JPT2: variants seen among roughly 807,000 people sequenced by gnomAD.
The protein encoded by JPT2 is Jupiter microtubule associated homolog 2.
JPT2 carries 9 observed loss-of-function variants against 15.9 expected under a neutral mutation model. The observed-to-expected ratio is 0.57, with a 90% CI of 0.34 to 0.99. JPT2 has a LOEUF of 0.99. Ranked by LOEUF, JPT2 falls within the 50% of genes least tolerant of loss-of-function variation. The pLI is 0.02. For synonymous variants in JPT2, 95 were observed against 91.7 expected, an observed-to-expected ratio of 1.04 and a Z score of -0.21; for missense variants, 267 against 252.1, an observed-to-expected ratio of 1.06 and a Z score of -0.40.
chr16:1,681,183 G>A (rs532287652), intron 1 of JPT2, among the ~76,000 whole-genome samples: 1 of 152,296 alleles, frequency 6.6e-6, no homozygotes, highest in Admixed American at 6.5e-5. Context: ...AAGCCACACT[G>A]CGCCATTGTT....
In JPT2 at chr16:1,701,006, C is replaced by T. The variant is rs144756266; in HGVS notation, c.*2008C>T. 6.6e-6 allele frequency: 1 copy of T among 152,248 alleles called. No homozygotes were observed. The highest frequency in any genetic ancestry group is 1.5e-5 in the Non-Finnish European group (1 of 68,064). 9.4% of individuals were successfully genotyped at this position (152,248 alleles called of 1,614,324 possible). A position where few individuals can be genotyped will look rare whatever the true frequency, so the allele number is the denominator to read the frequency against. ...TGATGGAGCCCCTGACATTACTCTT[C>T]TTGCATCTGTCCTGCCTTCTTTCCC... On this transcript the variant is annotated 3_prime_UTR_variant, in exon 5 of 5. Transcript: ENST00000248098.
intron 3 of JPT2, chr16:1,692,210 C>T (rs1224633063): frequency 1.7e-6 from 1 of 601,020 alleles, no homozygotes; most frequent in Non-Finnish European, 2.8e-6. Flanking sequence ...CTCTTCTGTG[C>T]TGGTGGCGGA....
Position 1,698,989 on chromosome 16 carries a change from C to T in JPT2, c.564C>T (p.Ser188=), listed in dbSNP as rs754828558. The change falls in exon 5 of 5, where the codon TCC becomes TCT. Residue 188 remains serine, a synonymous_variant. Transcript: ENST00000248098. The surrounding 1 kb of genome is among the most constrained non-coding windows in gnomAD (Gnocchi z 4.9). The part of the protein sequence containing the change: ...LNPPGGKSSI[S]FY Reference sequence around the variant, plus strand: ...CACCGGGAGGCAAATCCAGCATCTCCTTCTACTAAGAGAAGCCACTGCTCC... The same window carrying T: ...CACCGGGAGGCAAATCCAGCATCTCTTTCTACTAAGAGAAGCCACTGCTCC... 2.2e-5 allele frequency: 36 copies of T among 1,612,468 alleles called. No individual in the cohort carries two copies. The highest frequency in any genetic ancestry group is 2.7e-5 in the Non-Finnish European group (32 of 1,179,140).
At chr16:1,681,458 G>A (rs1014375283) in intron 1 of JPT2, among the ~76,000 whole-genome samples, 2 of 152,046 alleles carry the variant, frequency 1.3e-5, no homozygotes, top group African/African-American at 4.8e-5. Context: ...TAAATATTGT[G>A]TTTCCATCAC....
intron 2 of JPT2, 74 bp downstream of exon 2, chr16:1,685,661 A>G: frequency 6.8e-7 from 1 of 1,463,834 alleles, no homozygotes. Flanking sequence ...GTTTCTTTAT[A>G]CTGATCCTTT....
chr16:1,697,871 G>T lies in JPT2; in HGVS notation c.385+11G>T, dbSNP rs1338703355. 6.2e-7 allele frequency: 1 copy of T among 1,612,648 alleles called. No homozygotes were observed. The highest frequency in any genetic ancestry group is 8.5e-7 in the Non-Finnish European group (1 of 1,178,862). On this transcript the variant is annotated intron_variant, in intron 4 of 4. Transcript: ENST00000248098. ...AATCGGATCTTAAAGGTGAGCTTTT[G>T]TTTTCTTTCCCTTCTCCTGAGTGGC...
chr16:1,685,947 GGAGA>G (rs1214362120), intron 2 of JPT2: 2 of 196,346 alleles, frequency 1.0e-5, no homozygotes, highest in East Asian at 1.4e-4. Flanking sequence ...TCCTAGGGAG[GGAGA>G]GTGTTTTTAT....
chr16:1,685,336 A>C (rs1292463620), intron 1 of JPT2, 103 bp from the exon 2 acceptor site: 1 of 1,326,688 alleles, frequency 7.5e-7, no homozygotes, highest in Non-Finnish European at 1.0e-6. Flanking sequence ...TCAAAAAGAA[A>C]AAAACAAAAT....
chr16:1,692,779 C>CT (rs2037113332), intron 3 of JPT2, among the ~76,000 whole-genome samples: 1 of 152,164 alleles, frequency 6.6e-6, no homozygotes, highest in South Asian at 2.1e-4. Flanking sequence ...ACTTTTCTAC[C>CT]TTTTTTGTGG....
rs1449172244 is a variant in JPT2 at position 1,701,860 on chromosome 16, G to A, written c.*2862G>A. The A allele has an allele frequency of 1.8e-5, 5 of 277,288 alleles. No individual in the cohort carries two copies. Among genetic ancestry groups the A allele is most frequent in the Admixed American group, 1.2e-4 (3 of 24,362 alleles). 17.2% of individuals were successfully genotyped at this position (277,288 alleles called of 1,614,324 possible). A position where few individuals can be genotyped will look rare whatever the true frequency, so the allele number is the denominator to read the frequency against. ...GAGACCAGCCTAGACAACATACTAC[G>A]ACCCTGTCTATACAAAAAAAAACTT... On this transcript the variant is annotated 3_prime_UTR_variant, in exon 5 of 5. Transcript: ENST00000248098.
intron 3 of JPT2, among the ~76,000 whole-genome samples, chr16:1,692,880 G>A (rs1051359144): frequency 6.6e-6 from 1 of 152,122 alleles, no homozygotes; most frequent in African/African-American, 2.4e-5. Context: ...ATGTTTATTG[G>A]TTTATATGCT....
At chr16:1,683,046 G>A (rs552094918) in intron 1 of JPT2, among the ~76,000 whole-genome samples, 257 of 152,218 alleles carry the variant, frequency 1.7e-3, no homozygotes, top group Middle Eastern at 0.01. Context: ...GGCGCATCTT[G>A]GTTCACTGCA....
intron 1 of JPT2, among the ~76,000 whole-genome samples, chr16:1,680,015 C>T (rs1299801499): frequency 6.6e-6 from 1 of 150,676 alleles, no homozygotes; most frequent in Middle Eastern, 3.3e-3. Flanking sequence ...GCCGAGATCA[C>T]ACCACTGCAC....
chr16:1,698,885 C>CAGG lies in JPT2; in HGVS notation c.463_465dup (p.Glu155dup). ...CAGAAAAGCAGGCCCCGCCAAGGAGCAGGAGCCCATGCCCACAGTCGACAG... is the reference window on the plus strand; with the variant it reads ...CAGAAAAGCAGGCCCCGCCAAGGAGCAGGAGGAGCCCATGCCCACAGTCGACAG... On this transcript the variant is annotated inframe_insertion, in exon 5 of 5. Transcript: ENST00000248098. The surrounding 1 kb of genome is among the most constrained non-coding windows in gnomAD (Gnocchi z 4.9). 1 of 1,614,244 alleles carries CAGG rather than the reference C, an allele frequency of 6.2e-7. No homozygotes were observed. The highest frequency in any genetic ancestry group is 8.5e-7 in the Non-Finnish European group (1 of 1,180,048).
intron 3 of JPT2, chr16:1,692,280 C>T (rs1283429362): frequency 3.3e-5 from 13 of 391,150 alleles, no homozygotes; most frequent in Admixed American, 1.7e-4. Context: ...CGCGGAGAAG[C>T]GGTGGGGAGC....
rs185113930 is a variant in JPT2, at chr16:1,692,108, C to T, written c.336+123C>T. 73 of 1,264,658 alleles carry T rather than the reference C, an allele frequency of 5.8e-5. 1 individual carries two copies. The East Asian group carries it at 1.7e-3, about 30-fold the overall frequency. The allele number at this position is 1,264,658 out of a possible 1,614,324, so 78.3% of individuals were successfully genotyped here. A position where few individuals can be genotyped will look rare whatever the true frequency, so the allele number is the denominator to read the frequency against. On this transcript the variant is annotated intron_variant, in intron 3 of 4. Transcript: ENST00000248098. ...ATCATGGTGGGTGCCGTAGATTATCCTGGATGCAAGCATTAGTCATCGAGT... is the reference window on the plus strand; with the variant it reads ...ATCATGGTGGGTGCCGTAGATTATCTTGGATGCAAGCATTAGTCATCGAGT...
intron 1 of JPT2, among the ~76,000 whole-genome samples, chr16:1,682,418 TC>T (rs2037030463): frequency 6.6e-6 from 1 of 151,750 alleles, no homozygotes; most frequent in South Asian, 2.1e-4. Context: ...ATGCCTGTAA[TC>T]CCAGCACTTT....
At position 1,681,342 on chromosome 16, in the gene JPT2, G is replaced by A. The variant is rs149344498; in HGVS notation, c.44+2986G>A. ...GAGATAGCCGCTGCCCCTTGCCTGGGGCTGGGCCTGTGTGCGCCATAATTT... is the reference window on the plus strand; with the variant it reads ...GAGATAGCCGCTGCCCCTTGCCTGGAGCTGGGCCTGTGTGCGCCATAATTT... On this transcript the variant is annotated intron_variant, in intron 1 of 4. Coordinates refer to ENST00000248098, the MANE Select transcript of JPT2 (RefSeq NM_144570.3). Among the ~76,000 whole-genome samples the A allele has an allele frequency of 4.1e-4, 62 of 152,286 alleles. No individual in the cohort carries two copies. The East Asian group carries it at 0.012, about 28-fold the overall frequency.
At chr16:1,696,639 TAACA>T (rs1014615300) in intron 3 of JPT2, among the ~76,000 whole-genome samples, 2 of 151,898 alleles carry the variant, frequency 1.3e-5, no homozygotes, top group Non-Finnish European at 2.9e-5. Flanking sequence ...AACAACGAAA[TAACA>T]AACCCAATTC....
Sources: allele counts gnomAD v4.1 joint callset (sites outside exome capture counted in the v4.1 genomes callset), GRCh38; gene constraint gnomAD v4.1.1; non-coding constraint Gnocchi (gnomAD v3.1); transcripts MANE v1.5; gene names NCBI Gene and HGNC (gene_info 2026-07-23, HGNC 2026-07-21).